Variants in PCDHA12 observed in about 807,000 individuals in gnomAD.
The protein encoded by PCDHA12 is protocadherin alpha-12.
Under a neutral mutation model 60.0 loss-of-function variants are expected in PCDHA12, and 44 were observed. The ratio of observed to expected loss-of-function variants is 0.73; its 90% CI spans 0.58 to 0.94. The LOEUF (loss-of-function observed/expected upper bound fraction) is 0.94, where lower values mean the gene tolerates loss of function less well. Among genes scored for constraint, PCDHA12 ranks in the 40% least tolerant of loss-of-function variants. The pLI, the probability that PCDHA12 is intolerant of heterozygous loss-of-function variation, is 0.00. For missense variants in PCDHA12, 1,276 were observed against 1,239.7 expected, an observed-to-expected ratio of 1.03 and a Z score of -0.44; for synonymous variants, 569 against 553.0, an observed-to-expected ratio of 1.03 and a Z score of -0.40.
chr5:140,883,090 T>A (rs550322124), intron 1 of PCDHA12: 1 of 1,614,020 alleles, frequency 6.2e-7, no homozygotes, highest in East Asian at 2.2e-5. Flanking sequence ...ATGGTACAAA[T>A]GGAGATATAG....
Position 140,883,366 on chromosome 5 carries a change from C to A in PCDHA12, c.2367+5527C>A, listed in dbSNP as rs34923516. 1.2e-5 allele frequency: 19 copies of A among 1,614,056 alleles called. No individual in the cohort carries two copies. In the African/African-American group the frequency reaches 2.4e-4, roughly 20 times the overall value. On this transcript the variant is annotated intron_variant, in intron 1 of 3. Transcript: ENST00000398631. ...CCATCAGAGAAGACACTCAGCCTAGCGCCATTATTGCCCTAATCAGTGTGT... is the reference window on the plus strand; with the variant it reads ...CCATCAGAGAAGACACTCAGCCTAGAGCCATTATTGCCCTAATCAGTGTGT...
Position 140,877,697 on chromosome 5 carries a change from C to A in PCDHA12, c.2225C>A (p.Ser742Tyr). ...CCGGGCAAGCCCACGCTGGTGTGCT[C>A]CAGCGCCGTGGGGAGTTGGTCTTAC... is the stretch of plus-strand genomic sequence containing the variant. Reference protein sequence around the residue: ...CAPGKPTLVCSSAVGSWSYSQ... With the variant: ...CAPGKPTLVCYSAVGSWSYSQ... Residue 742 changes from serine (S) to tyrosine (Y), a missense_variant, in exon 1 of 4, where the codon TCC becomes TAC. Physicochemically the swap from Ser to Tyr is moderately radical, Grantham distance 144 (BLOSUM62 -2). Coordinates refer to ENST00000398631, the MANE Select transcript of PCDHA12 (RefSeq NM_018903.4). 2 of 1,613,912 alleles carry A rather than the reference C, an allele frequency of 1.2e-6. No homozygotes were observed. Among genetic ancestry groups the A allele is most frequent in the Non-Finnish European group, 1.7e-6 (2 of 1,179,970 alleles).
intron 1 of PCDHA12, among the ~76,000 whole-genome samples, chr5:140,924,429 A>G (rs1331551212): frequency 6.6e-6 from 1 of 152,184 alleles, no homozygotes; most frequent in Non-Finnish European, 1.5e-5. Flanking sequence ...CTAGTTCCCT[A>G]GAAGAGATAA....
At chr5:141,007,759 T>C (rs1392582275) in intron 3 of PCDHA12, among the ~76,000 whole-genome samples, 6 of 152,312 alleles carry the variant, frequency 3.9e-5, no homozygotes, top group Middle Eastern at 3.4e-3. Flanking sequence ...TGGACTCTTA[T>C]TGGCCTGGAA....
At chr5:140,944,642 T>C (rs535941591) in intron 1 of PCDHA12, among the ~76,000 whole-genome samples, 35 of 152,342 alleles carry the variant, frequency 2.3e-4, no homozygotes, top group African/African-American at 7.9e-4. Context: ...CCAGTGTGGA[T>C]TGGGAGTCCA....
At chr5:140,882,092 A>C (rs59479) in intron 1 of PCDHA12, 748,334 of 1,137,016 alleles carry the variant, frequency 0.66, 247,467 homozygotes, top group African/African-American at 0.7. Flanking sequence ...CTTCACTGAG[A>C]ACGTTTCCGC....
intron 1 of PCDHA12, among the ~76,000 whole-genome samples, chr5:140,900,051 C>G (rs1489382607): frequency 6.6e-6 from 1 of 152,168 alleles, no homozygotes; most frequent in African/African-American, 2.4e-5. Flanking sequence ...CTCAAGTGAT[C>G]CTTTAACCTC....
At chr5:140,984,281 C>G (rs574169465) in intron 3 of PCDHA12, among the ~76,000 whole-genome samples, 32 of 152,336 alleles carry the variant, frequency 2.1e-4, no homozygotes, top group African/African-American at 7.5e-4. Context: ...AATACATTCT[C>G]CCTCCCATTG....
chr5:140,933,413 T>A (rs2089136962), intron 1 of PCDHA12, among the ~76,000 whole-genome samples: 3 of 152,056 alleles, frequency 2.0e-5, no homozygotes, highest in Non-Finnish European at 4.4e-5. Flanking sequence ...TCTACAGATA[T>A]TCTGTGTTCA....
intron 1 of PCDHA12, among the ~76,000 whole-genome samples, chr5:140,945,406 G>A (rs992531626): frequency 2.0e-4 from 30 of 151,882 alleles, no homozygotes; most frequent in East Asian, 1.2e-3. Flanking sequence ...AATACAATTC[G>A]TATCAAAATT....
intron 1 of PCDHA12, among the ~76,000 whole-genome samples, chr5:140,933,147 A>G (rs1584764690): frequency 6.6e-6 from 1 of 151,986 alleles, no homozygotes. Context: ...ATAGCCACTC[A>G]TTTTGTTCCC....
intron 1 of PCDHA12, among the ~76,000 whole-genome samples, chr5:140,888,210 T>C (rs1395913579): frequency 6.6e-6 from 1 of 152,082 alleles, no homozygotes; most frequent in East Asian, 1.9e-4. Flanking sequence ...ATGCTGGATT[T>C]TGTGTGTGTG....
intron 1 of PCDHA12, chr5:140,969,130 C>A (rs1353677478): frequency 2.5e-6 from 4 of 1,614,132 alleles, no homozygotes; most frequent in Non-Finnish European, 1.7e-6. Context: ...GCTCCCTCAC[C>A]AAGACCTACT....
At chr5:140,894,960 A>G (rs1277191439) in intron 1 of PCDHA12, among the ~76,000 whole-genome samples, 1 of 152,170 alleles carries the variant, frequency 6.6e-6, no homozygotes, top group African/African-American at 2.4e-5. Context: ...ATAAAAATAT[A>G]ATTTTTTAAT....
chr5:140,905,611 T>A (rs1396340503), intron 1 of PCDHA12, among the ~76,000 whole-genome samples: 1 of 152,224 alleles, frequency 6.6e-6, no homozygotes, highest in African/African-American at 2.4e-5. Flanking sequence ...ATTGAATCTA[T>A]AGATTGCTTT....
Position 140,926,837 on chromosome 5 carries a change from G to A in PCDHA12, c.2367+48998G>A, listed in dbSNP as rs1170899993. 11 of 1,513,410 alleles carry A rather than the reference G, an allele frequency of 7.3e-6. No individual in the cohort carries two copies. In the African/African-American group the frequency reaches 1.4e-4, roughly 19 times the overall value. 93.7% of individuals were successfully genotyped at this position (1,513,410 alleles called of 1,614,324 possible). ...GTGCTCTCCAGGAGTCCGGAGCATG[G>A]TCCTGGGTCACCGTTGGTGTAGCGT... On this transcript the variant is annotated intron_variant, in intron 1 of 3. Coordinates refer to ENST00000398631, the MANE Select transcript of PCDHA12 (RefSeq NM_018903.4).
chr5:140,991,019 T>G (rs1333119856), intron 3 of PCDHA12, among the ~76,000 whole-genome samples: 1 of 152,178 alleles, frequency 6.6e-6, no homozygotes, highest in Non-Finnish European at 1.5e-5. Flanking sequence ...GATAAGCACT[T>G]TACATATGTT....
chr5:140,972,260 C>T (rs155805), intron 1 of PCDHA12, among the ~76,000 whole-genome samples: 8,116 of 151,624 alleles, frequency 0.054, 294 homozygotes, highest in Middle Eastern at 0.15. Flanking sequence ...ACACATCAGC[C>T]TCCTGAGTAG....
Position 140,875,435 on chromosome 5 carries a change from A to G in PCDHA12, c.-38A>G, listed in dbSNP as rs1562696598. The G allele has an allele frequency of 6.4e-7, 1 of 1,563,788 alleles. No individual in the cohort carries two copies. The highest frequency in any genetic ancestry group is 2.3e-5 in the East Asian group (1 of 44,308). On this transcript the variant is annotated 5_prime_UTR_variant, in exon 1 of 4. Coordinates refer to ENST00000398631, the MANE Select transcript of PCDHA12 (RefSeq NM_018903.4). Reference sequence around the variant, plus strand: ...ATACCTCAGGCAAGCGATCCCTTAAAACTGATTGTCCCAACTCAGAGGCCC... The same window carrying G: ...ATACCTCAGGCAAGCGATCCCTTAAGACTGATTGTCCCAACTCAGAGGCCC...
Sources: allele counts gnomAD v4.1 joint callset (sites outside exome capture counted in the v4.1 genomes callset), GRCh38; gene constraint gnomAD v4.1.1; transcripts MANE v1.5; gene names NCBI Gene and HGNC (gene_info 2026-07-23, HGNC 2026-07-21).